PCDHGB7: variants seen among roughly 807,000 people sequenced by gnomAD.
PCDHGB7 encodes the protein protocadherin gamma-B7.
A neutral mutation model predicts 61.4 loss-of-function variants in PCDHGB7; 37 were observed. The observed-to-expected ratio is 0.60, with a 90% CI of 0.46 to 0.79. The LOEUF (loss-of-function observed/expected upper bound fraction) is 0.79, where lower values mean the gene tolerates loss of function less well. PCDHGB7 is among the 30% of genes least tolerant of loss of function. The pLI is 0.00. For synonymous variants in PCDHGB7, 464 were observed against 503.5 expected, an observed-to-expected ratio of 0.92 and a Z score of 1.05; for missense variants, 1,166 against 1,202.5, an observed-to-expected ratio of 0.97 and a Z score of 0.45.
intron 2 of PCDHGB7, among the ~76,000 whole-genome samples, chr5:141,499,772 C>T (rs1217675128): frequency 1.0e-4 from 15 of 147,946 alleles, no homozygotes; most frequent in Admixed American, 9.0e-4. Context: ...CTGCAGCCTT[C>T]GCCTCCCGGG....
At chr5:141,422,714 C>T (rs2096666670) in intron 1 of PCDHGB7, 1 of 1,603,720 alleles carries the variant, frequency 6.2e-7, no homozygotes, top group South Asian at 1.1e-5. Flanking sequence ...ACGGATGACA[C>T]TGTCCAGGGG....
In PCDHGB7 at chr5:141,432,571, G is replaced by A. The variant is rs776214748; in HGVS notation, c.2415+12297G>A. On this transcript the variant is annotated intron_variant, in intron 1 of 3. Coordinates refer to ENST00000398594, the MANE Select transcript of PCDHGB7 (RefSeq NM_018927.4). The surrounding 1 kb of genome is among the most constrained non-coding windows in gnomAD (Gnocchi z 6.0). ...GAGACTCCGGCCAGAACGCCTGGCT[G>A]TCCTACCGTCTGCTCAAGGCCAGCG... is the stretch of plus-strand genomic sequence containing the variant. 1.2e-6 allele frequency: 2 copies of A among 1,613,954 alleles called. No homozygotes were observed. Among genetic ancestry groups the A allele is most frequent in the South Asian group, 1.1e-5 (1 of 91,068 alleles).
intron 1 of PCDHGB7, among the ~76,000 whole-genome samples, chr5:141,461,231 T>C (rs1042368465): frequency 6.6e-5 from 10 of 152,068 alleles, no homozygotes; most frequent in African/African-American, 2.4e-4. Context: ...TCCATAGAGG[T>C]TGTACTAATT....
chr5:141,434,073 A>G (rs1372471160), intron 1 of PCDHGB7, among the ~76,000 whole-genome samples: 2 of 152,058 alleles, frequency 1.3e-5, no homozygotes, highest in African/African-American at 4.8e-5. Flanking sequence ...GTTAATATCA[A>G]TTATTTATTT....
intron 1 of PCDHGB7, among the ~76,000 whole-genome samples, chr5:141,455,290 T>C (rs551962783): frequency 5.3e-5 from 8 of 152,206 alleles, no homozygotes; most frequent in East Asian, 1.9e-4. Flanking sequence ...TCACTTTACA[T>C]AGTTTCATCT....
chr5:141,491,542 G>T lies in PCDHGB7; in HGVS notation c.2416-3265G>T, dbSNP rs112433306. The T allele has an allele frequency of 6.2e-7, 1 of 1,613,898 alleles. No homozygotes were observed. Among genetic ancestry groups the T allele is most frequent in the Admixed American group, 1.7e-5 (1 of 60,006 alleles). On this transcript the variant is annotated intron_variant, in intron 1 of 3. Transcript: ENST00000398594. This position sits in a 1 kb window ranked among gnomAD's most constrained non-coding sequence, Gnocchi z 6.9. ...CATGGAGGTGACGCTGCGGCCCACA[G>T]ACTCGCAGAGCCACTGCTACAGGAC...
intron 2 of PCDHGB7, among the ~76,000 whole-genome samples, chr5:141,504,211 A>G (rs2099836609): frequency 6.6e-6 from 1 of 152,218 alleles, no homozygotes. Flanking sequence ...GGAAAATTCC[A>G]AGTAGAGCTG....
At position 141,499,027 on chromosome 5, in the gene PCDHGB7, A is replaced by AG. The variant is rs1323149397; in HGVS notation, c.2474+4163dup. 7.4e-3 allele frequency among the ~76,000 whole-genome samples: 1,116 copies of AG among 149,928 alleles called. 12 individuals are homozygous for AG. Among genetic ancestry groups the AG allele is most frequent in the African/African-American group, 0.026 (1,074 of 40,604 alleles). On this transcript the variant is annotated intron_variant, in intron 2 of 3. Transcript: ENST00000398594. ...AAGGAAGGAAGGAAGGAAGGAAGGA[A>AG]GAAAAGAAAGAAAAAGGGAGAAAAA...
chr5:141,429,573 T>G (rs1026656206), intron 1 of PCDHGB7, among the ~76,000 whole-genome samples: 3 of 152,206 alleles, frequency 2.0e-5, no homozygotes, highest in Non-Finnish European at 4.4e-5. Context: ...TCAGTTACAT[T>G]TACTTTTGAT....
rs17208397 is a variant in PCDHGB7, at chr5:141,419,072, G to C, written c.1213G>C (p.Val405Leu). 242,774 of 1,613,756 alleles carry C rather than the reference G, an allele frequency of 0.15. 19,855 individuals carry two copies. Among genetic ancestry groups the C allele is most frequent in the Non-Finnish European group, 0.17 (199,683 of 1,179,742 alleles). Residue 405 changes from valine to leucine, a missense_variant, in exon 1 of 4, where the codon GTA becomes CTA. Physicochemically the swap from Val to Leu is conservative, Grantham distance 32. Coordinates refer to ENST00000398594, the MANE Select transcript of PCDHGB7 (RefSeq NM_018927.4). Reference sequence around the variant, plus strand: ...TTCTTCTAATAATTACTACAAGCTAGTAACAGATGAGGCCCTGGATCGGGA... The same window carrying C: ...TTCTTCTAATAATTACTACAAGCTACTAACAGATGAGGCCCTGGATCGGGA... ...HSSSNNYYKL[V>L]TDEALDREQT...
intron 1 of PCDHGB7, among the ~76,000 whole-genome samples, chr5:141,494,157 G>A (rs929922206): frequency 5.9e-5 from 9 of 152,312 alleles, no homozygotes; most frequent in African/African-American, 1.7e-4. Context: ...TGTCTGGCAC[G>A]GAGTTCTAGG....
intron 1 of PCDHGB7, chr5:141,421,459 G>T: frequency 6.2e-7 from 1 of 1,614,142 alleles, no homozygotes; most frequent in South Asian, 1.1e-5. Context: ...GCTTTTCGCT[G>T]TGAATCCGCG....
chr5:141,464,138 G>A (rs62379197), intron 1 of PCDHGB7, among the ~76,000 whole-genome samples: 42,814 of 151,688 alleles, frequency 0.28, 6,814 homozygotes, highest in African/African-American at 0.44. Context: ...GGTGGTGGGC[G>A]CCTGTAGTCC....
chr5:141,490,088 ACCACAC>A lies in PCDHGB7; in HGVS notation c.2416-4718_2416-4713del. On this transcript the variant is annotated intron_variant, in intron 1 of 3. Transcript: ENST00000398594. The surrounding 1 kb of genome is among the most constrained non-coding windows in gnomAD (Gnocchi z 5.4). The stretch of plus-strand genomic sequence containing the variant: ...GGCCAACTAGACTATTCTTTTGGAG[ACCACAC>A]ATCTGAGGCAGTGCGGAACCTCTTT... The A allele has an allele frequency of 6.2e-7, 1 of 1,614,190 alleles. No homozygotes were observed. Among genetic ancestry groups the A allele is most frequent in the Non-Finnish European group, 8.5e-7 (1 of 1,180,004 alleles).
chr5:141,475,542 G>A (rs1182059354), intron 1 of PCDHGB7, among the ~76,000 whole-genome samples: 1 of 152,174 alleles, frequency 6.6e-6, no homozygotes, highest in East Asian at 1.9e-4. Flanking sequence ...TTACAAGTAG[G>A]GTCCGGCTAA....
At position 141,491,623 on chromosome 5, in the gene PCDHGB7, G is replaced by A. The variant is rs767724749; in HGVS notation, c.2416-3184G>A. The A allele has an allele frequency of 3.7e-6, 6 of 1,613,812 alleles. No homozygotes were observed. The highest frequency in any genetic ancestry group is 2.7e-5 in the African/African-American group (2 of 74,938). On this transcript the variant is annotated intron_variant, in intron 1 of 3. Transcript: ENST00000398594. This position sits in a 1 kb window ranked among gnomAD's most constrained non-coding sequence, Gnocchi z 6.9. ...CTTCACTTTTCTAAGACCCCTCAGC[G>A]TTCAGCAGCCCACAGCTCTGGCGCT...
intron 3 of PCDHGB7, among the ~76,000 whole-genome samples, 193 bp downstream of exon 3, chr5:141,505,674 G>C (rs1482125302): frequency 6.6e-6 from 1 of 152,192 alleles, no homozygotes; most frequent in East Asian, 1.9e-4. Context: ...GGGGTTGGGG[G>C]TCCTGGGATG....
chr5:141,492,274 A>C (rs2099739010), intron 1 of PCDHGB7, among the ~76,000 whole-genome samples: 1 of 152,024 alleles, frequency 6.6e-6, no homozygotes, highest in Non-Finnish European at 1.5e-5. Flanking sequence ...CGGGCTCGCC[A>C]CGCCCCGCCA....
At chr5:141,502,866 C>CTTTTTTTT (rs549047197) in intron 2 of PCDHGB7, among the ~76,000 whole-genome samples, 38,988 of 127,080 alleles carry the variant, frequency 0.31, 7,978 homozygotes, top group African/African-American at 0.51. Flanking sequence ...GACTCTCTGT[C>CTTTTTTTT]TTTTTTTTTT....
Sources: gnomAD v4.1 joint callset for allele counts (sites outside exome capture counted in the v4.1 genomes callset) on GRCh38, gnomAD v4.1.1 for gene constraint, Gnocchi (gnomAD v3.1) non-coding constraint, MANE v1.5 for transcripts, NCBI Gene and HGNC (gene_info 2026-07-23, HGNC 2026-07-21) for gene names.